The following PTPRK variants were observed in gnomAD, a reference collection of about 807,000 sequenced individuals.
PTPRK encodes receptor-type tyrosine-protein phosphatase kappa.
PTPRK carries 75 observed loss-of-function variants against 178.0 expected under a neutral mutation model. The ratio of observed to expected loss-of-function variants is 0.42; its 90% confidence interval spans 0.35 to 0.51. PTPRK has a LOEUF of 0.51. Ranked by LOEUF, PTPRK falls within the 20% of genes least tolerant of loss-of-function variation. The probability of loss-of-function intolerance (pLI) is 0.02; values close to 1 mark genes in which losing one functional copy is unlikely to be tolerated. For missense variants in PTPRK, 1,441 were observed against 1,797.8 expected (o/e 0.80, Z 3.59); for synonymous variants, 637 against 620.6 (o/e 1.03, Z -0.39).
chr6:128,266,476 C>T (rs1341792656), intron 3 of PTPRK, among the ~76,000 whole-genome samples: 3 of 152,088 alleles, frequency 2.0e-5, no homozygotes, highest in Non-Finnish European at 2.9e-5. Context: ...AGTTTACGTG[C>T]AATTTGCTAA....
intron 5 of PTPRK, among the ~76,000 whole-genome samples, chr6:128,228,271 A>G (rs1009800907): frequency 2.0e-5 from 3 of 152,240 alleles, no homozygotes; most frequent in African/African-American, 4.8e-5. Flanking sequence ...AAAGTGATCA[A>G]TGATGACAGG....
At position 128,446,824 on chromosome 6, in the gene PTPRK, G is replaced by A. The variant is rs116028460; in HGVS notation, c.101-49136C>T. 8.9e-3 allele frequency among the ~76,000 whole-genome samples: 1,354 copies of A among 152,212 alleles called. 22 individuals carry two copies. The highest frequency in any genetic ancestry group is 0.031 in the African/African-American group (1,276 of 41,542). On this transcript the variant is annotated intron_variant, in intron 1 of 29. Transcript: ENST00000368226. ...CTAAGGAAAACAGTAGGGGAAAAAT[G>A]CTCAAAACAGCTTTTCTAACAACTG...
intron 1 of PTPRK, chr6:128,409,239 TAA>T (rs946917189): frequency 9.3e-6 from 4 of 430,940 alleles, no homozygotes; most frequent in Non-Finnish European, 1.8e-5. Flanking sequence ...TAAACTTATC[TAA>T]AACATGGCTA....
chr6:128,376,930 C>T (rs911815647), intron 2 of PTPRK, among the ~76,000 whole-genome samples: 2 of 152,234 alleles, frequency 1.3e-5, no homozygotes, highest in African/African-American at 2.4e-5. Context: ...GAGACCACTT[C>T]AGTCTGGATT....
intron 7 of PTPRK, among the ~76,000 whole-genome samples, chr6:128,147,803 T>C (rs1170403022): frequency 6.6e-6 from 1 of 152,152 alleles, no homozygotes; most frequent in Non-Finnish European, 1.5e-5. Flanking sequence ...ATAAAGTATC[T>C]GATGGACCAA....
In PTPRK at chr6:128,372,991, T is replaced by TA. The variant is rs1351843971; in HGVS notation, c.223+24574_223+24575insT. On this transcript the variant is annotated intron_variant, in intron 2 of 29. Transcript: ENST00000368226. ...CTGGGAACTAATGAGGGAGGTAATT[T>TA]TAAAAAAAAAAAAAAATGGTGACCT... Among the ~76,000 whole-genome samples the TA allele has an allele frequency of 9.5e-3, 1,429 of 150,846 alleles. 20 individuals carry two copies. The highest frequency in any genetic ancestry group is 0.032 in the African/African-American group (1,301 of 41,030).
chr6:128,425,866 C>T (rs997555235), intron 1 of PTPRK, among the ~76,000 whole-genome samples: 2 of 152,118 alleles, frequency 1.3e-5, no homozygotes, highest in East Asian at 1.9e-4. Context: ...CAATAAGCAT[C>T]GGCAAAAAAT....
chr6:128,388,761 G>T (rs1839132475), intron 2 of PTPRK, among the ~76,000 whole-genome samples: 1 of 152,108 alleles, frequency 6.6e-6, no homozygotes, highest in African/African-American at 2.4e-5. Context: ...AAGGCATTTT[G>T]GGAGAATTAA....
At chr6:128,420,792 C>T (rs571471846) in intron 1 of PTPRK, among the ~76,000 whole-genome samples, 2 of 152,252 alleles carry the variant, frequency 1.3e-5, no homozygotes, top group South Asian at 4.1e-4. Flanking sequence ...CAAAAAGCCA[C>T]ACAGTGTATC....
chr6:128,127,471 G>A (rs1490489936), intron 7 of PTPRK, among the ~76,000 whole-genome samples: 2 of 152,112 alleles, frequency 1.3e-5, no homozygotes, highest in Non-Finnish European at 2.9e-5. Flanking sequence ...TCTTTCATCA[G>A]TGTTTTATAG....
At chr6:128,257,205 G>A (rs1019800278) in intron 3 of PTPRK, among the ~76,000 whole-genome samples, 1 of 151,482 alleles carries the variant, frequency 6.6e-6, no homozygotes, top group Non-Finnish European at 1.5e-5. Flanking sequence ...ACTCCAGCCT[G>A]GGAGACAGAG....
chr6:128,005,228 G>A lies in PTPRK; in HGVS notation c.2350C>T (p.Arg784Cys), dbSNP rs150668582. The A allele has an allele frequency of 2.0e-5, 32 of 1,610,840 alleles. No homozygotes were observed. Among genetic ancestry groups the A allele is most frequent in the Non-Finnish European group, 1.1e-5 (13 of 1,178,188 alleles). ...IVKKSKLAKK[R>C]KDAMGNTRQE... ...CGGGTATTCCCCATGGCATCTTTGC[G>A]TTTTTTAGCAAGTTTGCTGCCAAGG... is the stretch of plus-strand genomic sequence containing the variant. The change falls in exon 15 of 30, where the codon CGC (arginine) becomes TGC (cysteine). Residue 784 changes from arginine to cysteine, a missense_variant. By Grantham distance (180) the Arg-to-Cys change is radical. This residue lies in a region of PTPRK where 945 missense variants were observed against 1,080.6 expected (regional missense o/e 0.87). Transcript: ENST00000368226.
At chr6:128,129,948 G>A (rs546020698) in intron 7 of PTPRK, among the ~76,000 whole-genome samples, 2 of 152,194 alleles carry the variant, frequency 1.3e-5, no homozygotes, top group South Asian at 4.1e-4. Flanking sequence ...ATGTTTAAAG[G>A]CTTTCTGAGT....
chr6:128,322,268 T>A lies in PTPRK; in HGVS notation c.266A>T (p.Glu89Val), dbSNP rs962704052. ...IVDSSDHDPG[E>V]KARLQLPTMK... ...TGTAGGCAGCTGAAGTCTGGCTTTT[T>A]CTCCAGGGTCGTGATCTGAAGAGTC... Residue 89 changes from glutamate to valine, a missense_variant, in exon 3 of 30, where the codon GAA becomes GTA. Glu to Val is a moderately radical substitution (Grantham distance 121). Transcript: ENST00000368226. 6.2e-7 allele frequency: 1 copy of A among 1,607,340 alleles called. No individual in the cohort carries two copies. The highest frequency in any genetic ancestry group is 1.3e-5 in the African/African-American group (1 of 74,840).
At chr6:128,324,215 T>C (rs1043798095) in intron 2 of PTPRK, among the ~76,000 whole-genome samples, 5 of 152,086 alleles carry the variant, frequency 3.3e-5, no homozygotes, top group African/African-American at 1.2e-4. Flanking sequence ...ATGGCAGTAG[T>C]GCATTTAAAT....
intron 3 of PTPRK, among the ~76,000 whole-genome samples, chr6:128,289,673 CATAG>C (rs1823057623): frequency 6.6e-6 from 1 of 152,050 alleles, no homozygotes; most frequent in Non-Finnish European, 1.5e-5. Flanking sequence ...CCTCTTAACA[CATAG>C]ATAAATACAG....
At chr6:128,405,283 A>T (rs1841519371) in intron 1 of PTPRK, among the ~76,000 whole-genome samples, 1 of 152,208 alleles carries the variant, frequency 6.6e-6, no homozygotes, top group South Asian at 2.1e-4. Flanking sequence ...TAAAGCATGT[A>T]TAAACCAGTG....
At chr6:128,440,014 T>C (rs1250302467) in intron 1 of PTPRK, among the ~76,000 whole-genome samples, 5 of 152,214 alleles carry the variant, frequency 3.3e-5, no homozygotes, top group East Asian at 1.9e-4. Flanking sequence ...TCCAAATATG[T>C]AGATTTGTTT....
At chr6:128,245,217 T>C (rs1815235739) in intron 3 of PTPRK, among the ~76,000 whole-genome samples, 1 of 152,162 alleles carries the variant, frequency 6.6e-6, no homozygotes, top group South Asian at 2.1e-4. Context: ...GCCTGAGTCA[T>C]CCTGCCTCTA....
Sources: allele counts gnomAD v4.1 joint callset (sites outside exome capture counted in the v4.1 genomes callset), GRCh38; gene constraint gnomAD v4.1.1; regional missense constraint gnomAD v4.1.1; transcripts MANE v1.5; gene names NCBI Gene and HGNC (gene_info 2026-07-23, HGNC 2026-07-21).